The following CACNA2D3 variants were observed in gnomAD, a reference collection of about 807,000 sequenced individuals.
CACNA2D3 encodes voltage-dependent calcium channel subunit alpha-2/delta-3.
In CACNA2D3, 60 loss-of-function variants were observed where a neutral mutation model predicts 160.6. The observed-to-expected ratio is 0.37, with a 90% confidence interval of 0.30 to 0.46. The LOEUF is 0.46. CACNA2D3 is among the 20% of genes least tolerant of loss of function. CACNA2D3 has a pLI of 1.00. For synonymous variants in CACNA2D3, 558 were observed against 492.9 expected (o/e 1.13, Z -1.75); for missense variants, 1,205 against 1,365.0 (o/e 0.88, Z 1.85).
At chr3:54,353,044 A>G (rs964724813) in intron 3 of CACNA2D3, among the ~76,000 whole-genome samples, 3 of 152,224 alleles carry the variant, frequency 2.0e-5, no homozygotes, top group African/African-American at 7.2e-5. Flanking sequence ...TTTAAAATGT[A>G]TAATCATTAT....
At chr3:54,405,882 T>C (rs1699566888) in intron 4 of CACNA2D3, among the ~76,000 whole-genome samples, 1 of 151,160 alleles carries the variant, frequency 6.6e-6, no homozygotes, top group Non-Finnish European at 1.5e-5. Flanking sequence ...ATTAGCAATG[T>C]GCAAAGGACA....
In CACNA2D3 at chr3:54,335,180, A is replaced by G. The variant is rs540700533; in HGVS notation, c.321+14622A>G. ...TTGAAGAGGTTTTAAAAATTCAGCT[A>G]TGGCAAATGCTACTATTGCAGGACA... On this transcript the variant is annotated intron_variant, in intron 3 of 37. Coordinates refer to ENST00000474759, the MANE Select transcript of CACNA2D3 (RefSeq NM_018398.3). Among the ~76,000 whole-genome samples, 127 of 152,222 alleles carry G rather than the reference A, an allele frequency of 8.3e-4. 1 individual carries two copies. The highest frequency in any genetic ancestry group is 6.2e-4 in the Non-Finnish European group (42 of 68,032).
intron 3 of CACNA2D3, among the ~76,000 whole-genome samples, chr3:54,340,790 C>A (rs1704500883): frequency 6.6e-6 from 1 of 152,178 alleles, no homozygotes. Flanking sequence ...CCATGGAGAT[C>A]TGTCCCTTCT....
At chr3:55,035,406 G>T (rs1335655188) in intron 35 of CACNA2D3, among the ~76,000 whole-genome samples, 1 of 152,146 alleles carries the variant, frequency 6.6e-6, no homozygotes, top group Non-Finnish European at 1.5e-5. Flanking sequence ...GTGTGAGCAT[G>T]GCTATAAGTA....
intron 2 of CACNA2D3, among the ~76,000 whole-genome samples, chr3:54,248,190 G>A (rs1368318329): frequency 6.6e-6 from 1 of 152,136 alleles, no homozygotes; most frequent in African/African-American, 2.4e-5. Context: ...GGTGGAGCCT[G>A]GCTGGGCTTG....
At chr3:54,189,874 C>T (rs1209051832) in intron 2 of CACNA2D3, among the ~76,000 whole-genome samples, 9 of 152,192 alleles carry the variant, frequency 5.9e-5, no homozygotes, top group Non-Finnish European at 1.2e-4. Context: ...TTAATGAGTA[C>T]ACATAATTTT....
rs143439413 is a variant in CACNA2D3, at chr3:54,650,519, A to G, written c.1167+8278A>G. On this transcript the variant is annotated intron_variant, in intron 11 of 37. Coordinates refer to ENST00000474759, the MANE Select transcript of CACNA2D3 (RefSeq NM_018398.3). ...GCTGGGATTACACGTGTGTGCCACCACACCCAGCTAATTTTTATATTTTTT... is the reference window on the plus strand; with the variant it reads ...GCTGGGATTACACGTGTGTGCCACCGCACCCAGCTAATTTTTATATTTTTT... Among the ~76,000 whole-genome samples the G allele has an allele frequency of 7.3e-3, 1,105 of 152,234 alleles. 9 individuals carry two copies. Among genetic ancestry groups the G allele is most frequent in the African/African-American group, 0.024 (1,011 of 41,530 alleles).
intron 13 of CACNA2D3, among the ~76,000 whole-genome samples, chr3:54,778,108 G>A (rs1702457469): frequency 6.6e-6 from 1 of 152,114 alleles, no homozygotes; most frequent in South Asian, 2.1e-4. Context: ...AAGGCAAAGG[G>A]GAAGCAGGCA....
chr3:54,281,275 A>G (rs1343844125), intron 2 of CACNA2D3, among the ~76,000 whole-genome samples: 2 of 152,232 alleles, frequency 1.3e-5, no homozygotes, highest in African/African-American at 2.4e-5. Flanking sequence ...GCCATGATTT[A>G]TGGCACAGGA....
intron 11 of CACNA2D3, among the ~76,000 whole-genome samples, chr3:54,745,427 G>A (rs1010164034): frequency 6.6e-6 from 1 of 152,214 alleles, no homozygotes; most frequent in African/African-American, 2.4e-5. Flanking sequence ...GCACTTGCAG[G>A]CCAGTTGCTT....
intron 4 of CACNA2D3, among the ~76,000 whole-genome samples, chr3:54,458,705 A>ATC (rs1700443461): frequency 6.6e-6 from 1 of 151,934 alleles, no homozygotes; most frequent in African/African-American, 2.4e-5. Context: ...CTGGATGTTT[A>ATC]TCTCTCTCCC....
At chr3:54,541,295 A>AG (rs1701974342) in intron 5 of CACNA2D3, among the ~76,000 whole-genome samples, 2 of 139,978 alleles carry the variant, frequency 1.4e-5, no homozygotes, top group East Asian at 2.2e-4. Context: ...AAAAAAAAAA[A>AG]AAAAAAGAAA....
intron 27 of CACNA2D3, among the ~76,000 whole-genome samples, chr3:54,921,719 T>G (rs1399200835): frequency 6.6e-6 from 1 of 152,140 alleles, no homozygotes; most frequent in East Asian, 1.9e-4. Context: ...GTGATAAACT[T>G]GGCGACATCA....
intron 8 of CACNA2D3, among the ~76,000 whole-genome samples, chr3:54,572,838 T>A (rs6771798): frequency 0.25 from 38,662 of 152,194 alleles, 5,565 homozygotes; most frequent in Middle Eastern, 0.42. Flanking sequence ...ATTACAGAAG[T>A]ATCAGAAATT....
chr3:54,498,050 T>A (rs1057330093), intron 4 of CACNA2D3, among the ~76,000 whole-genome samples: 4 of 151,674 alleles, frequency 2.6e-5, no homozygotes, highest in Admixed American at 2.6e-4. Context: ...ATAGTTTTTT[T>A]TTTTTTTAAA....
chr3:54,376,940 A>T (rs566447229), intron 3 of CACNA2D3, among the ~76,000 whole-genome samples: 4 of 152,212 alleles, frequency 2.6e-5, no homozygotes, highest in African/African-American at 9.7e-5. Context: ...CTCTGCATCA[A>T]ATTTATATAA....
intron 10 of CACNA2D3, among the ~76,000 whole-genome samples, chr3:54,633,249 G>A (rs1351549945): frequency 6.6e-6 from 1 of 152,152 alleles, no homozygotes; most frequent in Non-Finnish European, 1.5e-5. Context: ...GCCATATTGT[G>A]TGCTCAATTG....
chr3:54,599,078 AGTTGCTTGCAGGTGCGGCCGCCTTGGCT>A (rs1329105275), intron 9 of CACNA2D3, among the ~76,000 whole-genome samples: 1 of 152,180 alleles, frequency 6.6e-6, no homozygotes, highest in Admixed American at 6.5e-5. Flanking sequence ...CGCCCTATTG[AGTTGCTTGCAGGTGCGGCCGCCTTGGCT>A]GTTATATTTA....
chr3:54,883,825 T>TCTCTCTCTCTCTCTCTCTCTCTC (rs59265675), intron 21 of CACNA2D3, among the ~76,000 whole-genome samples: 2 of 144,320 alleles, frequency 1.4e-5, no homozygotes, highest in African/African-American at 2.6e-5. Context: ...CTCTCTCTCC[T>TCTCTCTCTCTCTCTCTCTCTCTC]CTCTCTCCCT....
Sources: allele counts gnomAD v4.1 joint callset (sites outside exome capture counted in the v4.1 genomes callset), GRCh38; gene constraint gnomAD v4.1.1; transcripts MANE v1.5; gene names NCBI Gene and HGNC (gene_info 2026-07-23, HGNC 2026-07-21).